SPAG16: variants seen among roughly 807,000 people sequenced by gnomAD.
SPAG16 encodes the protein sperm associated antigen 16.
SPAG16 carries 86 observed loss-of-function variants against 80.4 expected under a neutral mutation model. That is an observed-to-expected ratio of 1.07 (90% confidence interval 0.90 to 1.28). SPAG16 has a LOEUF of 1.28. Among genes scored for constraint, SPAG16 ranks in the 50% most tolerant of loss-of-function variants. The probability of loss-of-function intolerance (pLI) is 0.00; values close to 1 mark genes in which losing one functional copy is unlikely to be tolerated. For synonymous variants in SPAG16, 294 were observed against 265.9 expected (o/e 1.11, Z -1.03); for missense variants, 870 against 765.3 (o/e 1.14, Z -1.61).
At chr2:214,363,022 TTTC>T (rs1444391211) in intron 15 of SPAG16, among the ~76,000 whole-genome samples, 2 of 152,002 alleles carry the variant, frequency 1.3e-5, no homozygotes, top group African/African-American at 4.8e-5. Flanking sequence ...TTAATACCAT[TTTC>T]TTCTTTTGCA....
In SPAG16 at chr2:214,143,234, G is replaced by GTTT. The variant is rs59910884; in HGVS notation, c.1594-5887_1594-5885dup. On this transcript the variant is annotated intron_variant, in intron 14 of 15. Coordinates refer to ENST00000331683, the MANE Select transcript of SPAG16 (RefSeq NM_024532.5). ...ATCACCTATTCCATCATAGTTTTGGGTTTTTTTTTTTTTTTTTTTTTGGTT... is the reference window on the plus strand; with the variant it reads ...ATCACCTATTCCATCATAGTTTTGGGTTTTTTTTTTTTTTTTTTTTTTTTGGTT... Among the ~76,000 whole-genome samples the GTTT allele has an allele frequency of 2.1e-3, 239 of 112,672 alleles. 1 individual carries two copies. The highest frequency in any genetic ancestry group is 7.3e-3 in the African/African-American group (213 of 29,088). The allele number at this position is 112,672 out of a possible 152,430, so 73.9% of individuals were successfully genotyped here.
chr2:213,793,163 G>T (rs901590642), intron 10 of SPAG16, among the ~76,000 whole-genome samples: 5 of 151,640 alleles, frequency 3.3e-5, no homozygotes, highest in Non-Finnish European at 7.4e-5. Flanking sequence ...CCTGACCTCA[G>T]GTGATCCACC....
chr2:213,500,239 C>T (rs57811186), intron 10 of SPAG16, among the ~76,000 whole-genome samples: 2 of 152,066 alleles, frequency 1.3e-5, no homozygotes. Context: ...AATCCATGGG[C>T]TTAGGACTTT....
chr2:214,072,782 T>A (rs1264434420), intron 13 of SPAG16, among the ~76,000 whole-genome samples: 3 of 152,122 alleles, frequency 2.0e-5, no homozygotes, highest in Non-Finnish European at 4.4e-5. Flanking sequence ...TAGGACTTTT[T>A]AAAAAATGTT....
At chr2:213,314,526 A>G (rs992475408) in intron 4 of SPAG16, among the ~76,000 whole-genome samples, 2 of 151,892 alleles carry the variant, frequency 1.3e-5, no homozygotes, top group Non-Finnish European at 2.9e-5. Context: ...TTGTATTATT[A>G]TCTAAAAATG....
chr2:214,116,391 T>G (rs1217311315), intron 14 of SPAG16, among the ~76,000 whole-genome samples: 1 of 152,206 alleles, frequency 6.6e-6, no homozygotes, highest in Non-Finnish European at 1.5e-5. Flanking sequence ...TAACCTCCAT[T>G]TCACAGCAGA....
chr2:214,051,746 A>G (rs1342720280), intron 13 of SPAG16, among the ~76,000 whole-genome samples: 1 of 152,220 alleles, frequency 6.6e-6, no homozygotes, highest in Non-Finnish European at 1.5e-5. Flanking sequence ...TACCCATGAG[A>G]AATCTGCCTT....
At chr2:213,293,593 G>A (rs1243591238) in intron 1 of SPAG16, among the ~76,000 whole-genome samples, 2 of 152,178 alleles carry the variant, frequency 1.3e-5, no homozygotes, top group African/African-American at 4.8e-5. Flanking sequence ...TGGGAAACTA[G>A]TACATTGTCA....
chr2:213,710,962 A>AT (rs954487719), intron 10 of SPAG16, among the ~76,000 whole-genome samples: 23 of 150,994 alleles, frequency 1.5e-4, no homozygotes, highest in African/African-American at 3.6e-4. Flanking sequence ...CTTTTCTGGA[A>AT]TTTTTTTTTT....
intron 10 of SPAG16, among the ~76,000 whole-genome samples, chr2:213,735,891 A>G (rs2067259410): frequency 6.6e-6 from 1 of 152,200 alleles, no homozygotes; most frequent in Non-Finnish European, 1.5e-5. Context: ...AATATTATGG[A>G]TGGGGCATAA....
intron 10 of SPAG16, among the ~76,000 whole-genome samples, chr2:213,675,112 G>C (rs544504985): frequency 1.6e-4 from 25 of 152,172 alleles, no homozygotes; most frequent in African/African-American, 5.8e-4. Context: ...CTGTGGTTTT[G>C]ATTTGCATTT....
chr2:214,313,752 G>A (rs529084510), intron 15 of SPAG16, among the ~76,000 whole-genome samples: 5 of 152,086 alleles, frequency 3.3e-5, no homozygotes, highest in Non-Finnish European at 7.4e-5. Context: ...GTCCTGAAAT[G>A]AACAATCAGA....
intron 10 of SPAG16, among the ~76,000 whole-genome samples, chr2:213,833,498 TATA>T (rs377163452): frequency 2.1e-4 from 1 of 4,822 alleles, no homozygotes; most frequent in African/African-American, 4.5e-4. Flanking sequence ...ATATATAATA[TATA>T]TATTATATAT....
At chr2:214,174,963 T>C (rs990754907) in intron 15 of SPAG16, among the ~76,000 whole-genome samples, 1 of 151,618 alleles carries the variant, frequency 6.6e-6, no homozygotes, top group African/African-American at 2.4e-5. Context: ...CTTGGCATAG[T>C]AGCCATTTTC....
At chr2:213,754,615 AC>A (rs2068233233) in intron 10 of SPAG16, among the ~76,000 whole-genome samples, 1 of 152,138 alleles carries the variant, frequency 6.6e-6, no homozygotes, top group Non-Finnish European at 1.5e-5. Flanking sequence ...ATATTAAAAA[AC>A]TTTCATATTT....
At chr2:214,340,976 A>G (rs1428063803) in intron 15 of SPAG16, among the ~76,000 whole-genome samples, 2 of 152,226 alleles carry the variant, frequency 1.3e-5, no homozygotes, top group African/African-American at 4.8e-5. Flanking sequence ...CAAGATAATA[A>G]AAGAAAATTT....
chr2:213,642,003 C>G (rs925212974), intron 10 of SPAG16, among the ~76,000 whole-genome samples: 2 of 152,132 alleles, frequency 1.3e-5, no homozygotes, highest in African/African-American at 4.8e-5. Context: ...GGAAACCATC[C>G]ACTTGATCCA....
intron 10 of SPAG16, among the ~76,000 whole-genome samples, chr2:213,776,436 G>A (rs1384466118): frequency 6.6e-6 from 1 of 152,116 alleles, no homozygotes; most frequent in East Asian, 1.9e-4. Flanking sequence ...AGCTCTTCTG[G>A]GTCCTTGATT....
chr2:214,327,646 A>ATTAAC (rs1340225219), intron 15 of SPAG16, among the ~76,000 whole-genome samples: 1 of 152,190 alleles, frequency 6.6e-6, no homozygotes, highest in Non-Finnish European at 1.5e-5. Flanking sequence ...AATTCAAACT[A>ATTAAC]TTAACTTAGC....
Sources: allele counts gnomAD v4.1 joint callset (sites outside exome capture counted in the v4.1 genomes callset), GRCh38; gene constraint gnomAD v4.1.1; transcripts MANE v1.5; gene names NCBI Gene and HGNC (gene_info 2026-07-23, HGNC 2026-07-21).